Variants in FRMPD3 observed in about 807,000 individuals in gnomAD.
FRMPD3 encodes FERM and PDZ domain-containing protein 3.
Under a neutral mutation model 97.9 loss-of-function variants are expected in FRMPD3, and 42 were observed. The ratio of observed to expected loss-of-function variants is 0.43; its 90% CI spans 0.34 to 0.55. The LOEUF (loss-of-function observed/expected upper bound fraction) is 0.55, where lower values mean the gene tolerates loss of function less well. FRMPD3 is among the 20% of genes least tolerant of loss of function. The pLI, the probability that FRMPD3 is intolerant of heterozygous loss-of-function variation, is 0.03. For synonymous variants in FRMPD3, 577 were observed against 581.1 expected, an observed-to-expected ratio of 0.99 and a Z score of 0.10; for missense variants, 1,303 against 1,457.7, an observed-to-expected ratio of 0.89 and a Z score of 1.73.
intron 1 of FRMPD3, among the ~76,000 whole-genome samples, chrX:107,476,280 C>T (rs1194711605): frequency 8.9e-6 from 1 of 112,603 alleles, no homozygotes; most frequent in African/African-American, 3.2e-5. Context: ...TGAATTATCT[C>T]CTTATGCAGG....
intron 1 of FRMPD3, among the ~76,000 whole-genome samples, chrX:107,464,474 G>A (rs1569409013): frequency 9.0e-6 from 1 of 110,754 alleles, no homozygotes; most frequent in Non-Finnish European, 1.9e-5. Flanking sequence ...TATGTAGAAT[G>A]TTGGCTTGTA....
chrX:107,484,549 A>G (rs1449116104), intron 1 of FRMPD3, among the ~76,000 whole-genome samples: 1 of 112,492 alleles, frequency 8.9e-6, no homozygotes, highest in Non-Finnish European at 1.9e-5. Flanking sequence ...CCTGCCATCA[A>G]TCTCCTGCCC....
At chrX:107,475,378 A>C (rs748106446) in intron 1 of FRMPD3, among the ~76,000 whole-genome samples, 1 of 111,810 alleles carries the variant, frequency 8.9e-6, no homozygotes, top group African/African-American at 3.3e-5. Context: ...CCTTAGCCTG[A>C]GCTGCTATTT....
At chrX:107,570,192 G>A (rs971774315) in intron 12 of FRMPD3, among the ~76,000 whole-genome samples, 15 of 100,654 alleles carry the variant, frequency 1.5e-4, no homozygotes, top group African/African-American at 5.7e-4. Flanking sequence ...AGGGGGGAGC[G>A]GGGGAGGGAG....
Position 107,603,486 on chromosome X carries a change from A to G in FRMPD3, c.*113A>G. On this transcript the variant is annotated 3_prime_UTR_variant, in exon 15 of 15. Coordinates refer to ENST00000683843, the MANE Select transcript of FRMPD3 (RefSeq NM_001388459.1). ...TGTCTGCTGGGCCAGTCAGGGTCCA[A>G]GAGCCCATCAGTCTCCGGGGAGTGG... 2.8e-6 allele frequency: 3 copies of G among 1,088,100 alleles called. No homozygotes were observed. Among genetic ancestry groups the G allele is most frequent in the Non-Finnish European group, 3.6e-6 (3 of 834,965 alleles). 89.7% of individuals were successfully genotyped at this position (1,088,100 alleles called of 1,213,427 possible).
chrX:107,538,845 G>C (rs141062565), intron 4 of FRMPD3, among the ~76,000 whole-genome samples: 166 of 112,211 alleles, frequency 1.5e-3, no homozygotes, highest in Non-Finnish European at 2.7e-3. Context: ...TTTTAGTAGA[G>C]ACGATGTTTC....
intron 1 of FRMPD3, among the ~76,000 whole-genome samples, chrX:107,486,153 T>C (rs1921497958): frequency 8.9e-6 from 1 of 112,065 alleles, no homozygotes; most frequent in Non-Finnish European, 1.9e-5. Context: ...GAAGACACGG[T>C]TGGATGTGAA....
chrX:107,480,516 T>A (rs1336258268), intron 1 of FRMPD3, among the ~76,000 whole-genome samples: 3 of 110,680 alleles, frequency 2.7e-5, no homozygotes, highest in Non-Finnish European at 3.8e-5. Context: ...GTGGTTTCTA[T>A]GTGTGAATGA....
At chrX:107,558,230 A>G in intron 8 of FRMPD3, among the ~76,000 whole-genome samples, 1 of 110,922 alleles carries the variant, frequency 9.0e-6, no homozygotes, top group Middle Eastern at 4.3e-3. Flanking sequence ...GGTCTTTCAT[A>G]TGTTTTGTCA....
At chrX:107,573,445 AT>A (rs1297100795) in intron 12 of FRMPD3, among the ~76,000 whole-genome samples, 1 of 111,533 alleles carries the variant, frequency 9.0e-6, no homozygotes, top group African/African-American at 3.3e-5. Flanking sequence ...CCCCAAGTTC[AT>A]TTCCTTTCCA....
At chrX:107,590,720 G>A (rs1410983300) in intron 13 of FRMPD3, among the ~76,000 whole-genome samples, 1 of 112,659 alleles carries the variant, frequency 8.9e-6, no homozygotes, top group Non-Finnish European at 1.9e-5. Flanking sequence ...ATATGTTGCT[G>A]GATTCAGTTT....
In FRMPD3 at chrX:107,552,789, CCA is replaced by C. The variant is rs1172367547; in HGVS notation, c.511-3_511-2del. ...CTCCCTCTCAAGGCTCTTTTCTGTC[CCA>C]CAGGATGTGATGTTGACATTACAGG... is the stretch of plus-strand genomic sequence containing the variant. On this transcript the variant is annotated splice_region_variant and splice_polypyrimidine_tract_variant and intron_variant, in intron 6 of 14. Coordinates refer to ENST00000683843, the MANE Select transcript of FRMPD3 (RefSeq NM_001388459.1). The C allele has an allele frequency of 3.1e-5, 37 of 1,206,500 alleles. No individual in the cohort carries two copies. Among genetic ancestry groups the C allele is most frequent in the Non-Finnish European group, 4.1e-5 (37 of 893,895 alleles).
chrX:107,532,998 C>T (rs752322266), intron 3 of FRMPD3, among the ~76,000 whole-genome samples: 1 of 111,412 alleles, frequency 9.0e-6, no homozygotes, highest in Admixed American at 9.5e-5. Flanking sequence ...TTTTTGGTCC[C>T]TCAATTAAAA....
intron 6 of FRMPD3, among the ~76,000 whole-genome samples, 179 bp from the exon 7 acceptor site, chrX:107,552,616 G>A (rs1397886545): frequency 8.9e-6 from 1 of 112,189 alleles, no homozygotes; most frequent in Non-Finnish European, 1.9e-5. Context: ...CAGCACTCAT[G>A]GGTCACTTTA....
chrX:107,476,888 G>T (rs1921213696), intron 1 of FRMPD3, among the ~76,000 whole-genome samples: 1 of 112,374 alleles, frequency 8.9e-6, no homozygotes, highest in Non-Finnish European at 1.9e-5. Context: ...GGAAAAAGCT[G>T]AAGAAGTTTG....
At chrX:107,499,279 G>A (rs189057225) in intron 1 of FRMPD3, among the ~76,000 whole-genome samples, 16 of 111,844 alleles carry the variant, frequency 1.4e-4, no homozygotes, top group African/African-American at 4.9e-4. Context: ...AGGTAAACAA[G>A]GTAGCAGAGG....
chrX:107,466,728 G>A (rs964907803), intron 1 of FRMPD3, among the ~76,000 whole-genome samples: 3 of 112,091 alleles, frequency 2.7e-5, no homozygotes, highest in Non-Finnish European at 5.6e-5. Flanking sequence ...ATTTTCCCTG[G>A]ACCCTCAGAG....
intron 1 of FRMPD3, among the ~76,000 whole-genome samples, chrX:107,485,025 T>C (rs976124570): frequency 8.9e-6 from 1 of 112,505 alleles, no homozygotes. Flanking sequence ...GCGAGACTTA[T>C]GAAGGGAAGG....
chrX:107,490,554 T>G lies in FRMPD3; in HGVS notation c.-7-36028T>G, dbSNP rs573371884. On this transcript the variant is annotated intron_variant, in intron 1 of 14. Transcript: ENST00000683843. Reference sequence around the variant, plus strand: ...GTTCTCCTTGAAGAGGTCCTTCACATCCCTTGTAAGTTGGATTCCTAGGTA... The same window carrying G: ...GTTCTCCTTGAAGAGGTCCTTCACAGCCCTTGTAAGTTGGATTCCTAGGTA... Among the ~76,000 whole-genome samples, 80 of 111,262 alleles carry G rather than the reference T, an allele frequency of 7.2e-4. 1 individual carries two copies. In the South Asian group the frequency reaches 0.03, roughly 42 times the overall value.
Sources: allele counts gnomAD v4.1 joint callset (sites outside exome capture counted in the v4.1 genomes callset), GRCh38; gene constraint gnomAD v4.1.1; transcripts MANE v1.5; gene names NCBI Gene and HGNC (gene_info 2026-07-23, HGNC 2026-07-21).